The following ORC2 variants were observed in gnomAD, a reference collection of about 807,000 sequenced individuals.
ORC2 encodes the protein origin recognition complex protein 2 homolog.
Under a neutral mutation model 77.7 loss-of-function variants are expected in ORC2, and 37 were observed. The ratio of observed to expected loss-of-function variants is 0.48; its 90% CI spans 0.37 to 0.63. The LOEUF (loss-of-function observed/expected upper bound fraction) is 0.63, where lower values mean the gene tolerates loss of function less well. ORC2 is among the 20% of genes least tolerant of loss of function. The probability of loss-of-function intolerance (pLI) is 0.00; values close to 1 mark genes in which losing one functional copy is unlikely to be tolerated. For synonymous variants in ORC2, 201 were observed against 229.5 expected, an observed-to-expected ratio of 0.88 and a Z score of 1.12; for missense variants, 557 against 661.9, an observed-to-expected ratio of 0.84 and a Z score of 1.74.
At chr2:200,954,844 G>T (rs141729760) in intron 4 of ORC2, among the ~76,000 whole-genome samples, 1 of 151,772 alleles carries the variant, frequency 6.6e-6, no homozygotes. Context: ...AAAACATAGG[G>T]CATGATGCCA....
intron 8 of ORC2, among the ~76,000 whole-genome samples, chr2:200,937,299 T>C (rs2041065053): frequency 6.6e-6 from 1 of 152,220 alleles, no homozygotes; most frequent in African/African-American, 2.4e-5. Context: ...CTTTTACTGC[T>C]TTAATATACC....
chr2:200,909,377 A>G lies in ORC2; in HGVS notation c.*1924T>C, dbSNP rs2040515134. 6.6e-6 allele frequency: 1 copy of G among 152,164 alleles called. No homozygotes were observed. Among genetic ancestry groups the G allele is most frequent in the African/African-American group, 2.4e-5 (1 of 41,442 alleles). 9.4% of individuals were successfully genotyped at this position (152,164 alleles called of 1,614,324 possible). A position where few individuals can be genotyped will look rare whatever the true frequency, so the allele number is the denominator to read the frequency against. On this transcript the variant is annotated 3_prime_UTR_variant, in exon 18 of 18. Transcript: ENST00000234296. ...ATTTTTTTAAATCACATTTATGTAC[A>G]AATTTGTTTAAACATTTTGACTAGA...
rs769055915 is a variant in ORC2 at position 200,937,886 on chromosome 2, A to G, written c.514+20T>C. 3.3e-6 allele frequency: 5 copies of G among 1,511,926 alleles called. No individual in the cohort carries two copies. Among genetic ancestry groups the G allele is most frequent in the South Asian group, 2.3e-5 (2 of 86,508 alleles). The allele number at this position is 1,511,926 out of a possible 1,614,324, so 93.7% of individuals were successfully genotyped here. On this transcript the variant is annotated intron_variant, in intron 8 of 17. Transcript: ENST00000234296. Reference sequence around the variant, plus strand: ...TAGATGCTACTTTTTATAAAAAGTCATGTAAAAACAAATACGTACCTATTA... The same window carrying G: ...TAGATGCTACTTTTTATAAAAAGTCGTGTAAAAACAAATACGTACCTATTA...
At chr2:200,938,026 G>A (rs2041079074) in intron 7 of ORC2, 60 bp from the exon 8 acceptor site, 1 of 1,229,876 alleles carries the variant, frequency 8.1e-7, no homozygotes, top group East Asian at 2.3e-5. Flanking sequence ...TGATCTGAGT[G>A]AAAGAGGCTA....
intron 11 of ORC2, among the ~76,000 whole-genome samples, chr2:200,928,318 T>A (rs561861421): frequency 3.9e-5 from 6 of 151,970 alleles, no homozygotes; most frequent in African/African-American, 1.4e-4. Context: ...ATCACATCAC[T>A]ACATTCCAGC....
chr2:200,928,608 T>G (rs973643033), intron 11 of ORC2, among the ~76,000 whole-genome samples: 8 of 151,704 alleles, frequency 5.3e-5, no homozygotes, highest in Non-Finnish European at 1.0e-4. Context: ...GGTCAGGAGA[T>G]CGAGACCATC....
chr2:200,912,746 CAGT>C (rs1323273505), intron 17 of ORC2, among the ~76,000 whole-genome samples: 8 of 152,166 alleles, frequency 5.3e-5, no homozygotes, highest in Admixed American at 4.6e-4. Context: ...GATCTCAGCT[CAGT>C]GGTCTCTTCT....
rs1374043034 is a variant in ORC2 at position 200,920,226 on chromosome 2, C to A, written c.1462G>T (p.Ala488Ser). The change falls in exon 15 of 18, where the codon GCA becomes TCA. Residue 488 changes from alanine (A) to serine (S), a missense_variant. Ala to Ser is a moderately conservative substitution (Grantham distance 99). Transcript: ENST00000234296. ...THVLRSLTPN[A>S]RGIFRLLIKY... is the part of the protein sequence containing the mutation. ...AAATATGGTTTTCATCCTTACCTTG[C>A]ATTAGGGGTAAGGCTTCGTAAGACA... 3.1e-6 allele frequency: 5 copies of A among 1,607,696 alleles called. No individual in the cohort carries two copies. Among genetic ancestry groups the A allele is most frequent in the African/African-American group, 1.3e-5 (1 of 74,572 alleles).
intron 13 of ORC2, among the ~76,000 whole-genome samples, chr2:200,925,038 G>A (rs980406159): frequency 6.6e-6 from 1 of 152,178 alleles, no homozygotes; most frequent in African/African-American, 2.4e-5. Context: ...GGGATTACAG[G>A]CGTCAGCCAC....
intron 14 of ORC2, among the ~76,000 whole-genome samples, chr2:200,920,716 C>T (rs753875337): frequency 2.6e-5 from 4 of 152,048 alleles, no homozygotes; most frequent in Non-Finnish European, 4.4e-5. Flanking sequence ...ATAAATGTTG[C>T]GATATTACAA....
intron 5 of ORC2, among the ~76,000 whole-genome samples, chr2:200,948,118 T>A (rs1172978003): frequency 6.6e-6 from 1 of 151,992 alleles, no homozygotes; most frequent in Admixed American, 6.6e-5. Flanking sequence ...TTTCACTGTG[T>A]TAGCCAGGAT....
rs1254672603 is a variant in ORC2, at chr2:200,910,351, A to T, written c.*950T>A. The T allele has an allele frequency of 6.6e-6, 1 of 152,206 alleles. No homozygotes were observed. Among genetic ancestry groups the T allele is most frequent in the African/African-American group, 2.4e-5 (1 of 41,458 alleles). The allele number at this position is 152,206 out of a possible 1,614,324, so 9.4% of individuals were successfully genotyped here. A position where few individuals can be genotyped will look rare whatever the true frequency, so the allele number is the denominator to read the frequency against. ...CAGGAGGTTTGAAATCATCACTTTAAGGAAAAAACTGAAATATCTTACAGT... is the reference window on the plus strand; with the variant it reads ...CAGGAGGTTTGAAATCATCACTTTATGGAAAAAACTGAAATATCTTACAGT... On this transcript the variant is annotated 3_prime_UTR_variant, in exon 18 of 18. Coordinates refer to ENST00000234296, the MANE Select transcript of ORC2 (RefSeq NM_006190.5).
chr2:200,947,276 C>T (rs1421693464), intron 5 of ORC2, among the ~76,000 whole-genome samples: 13 of 151,934 alleles, frequency 8.6e-5, no homozygotes, highest in Non-Finnish European at 8.8e-5. Flanking sequence ...TTGTATGTAC[C>T]ATGTTATGTT....
At position 200,926,869 on chromosome 2, in the gene ORC2, C is replaced by A. The variant is rs771728989; in HGVS notation, c.949G>T (p.Gly317Cys). ...CTTTCTAGTAAATCTCTCTTAGAAC[C>A]CAAACCATAAAGCACAATGTTGAAC... Reference protein sequence around the residue: ...LGFNIVLYGLGSKRDLLERFR... With the variant: ...LGFNIVLYGLCSKRDLLERFR... The change falls in exon 12 of 18, where the codon GGT becomes TGT. Residue 317 changes from glycine to cysteine, a missense_variant. By Grantham distance (159) the Gly-to-Cys change is radical. Transcript: ENST00000234296. The A allele has an allele frequency of 6.2e-7, 1 of 1,613,910 alleles. No individual in the cohort carries two copies. Among genetic ancestry groups the A allele is most frequent in the East Asian group, 2.2e-5 (1 of 44,846 alleles).
chr2:200,938,425 G>A (rs890726545), intron 7 of ORC2, among the ~76,000 whole-genome samples: 1 of 152,208 alleles, frequency 6.6e-6, no homozygotes, highest in African/African-American at 2.4e-5. Context: ...GCCTTTTAAT[G>A]TGCTAGAAAT....
chr2:200,915,616 A>C (rs1407577016), intron 15 of ORC2, among the ~76,000 whole-genome samples: 1 of 152,234 alleles, frequency 6.6e-6, no homozygotes, highest in Non-Finnish European at 1.5e-5. Flanking sequence ...GTATGCCAAA[A>C]ATTCAAAACT....
chr2:200,921,216 G>A, intron 13 of ORC2, 77 bp from the exon 14 acceptor site: 1 of 933,320 alleles, frequency 1.1e-6, no homozygotes, highest in Non-Finnish European at 1.5e-6. Context: ...CTAGAGTGCA[G>A]TGGTACAATC....
chr2:200,941,431 C>T, intron 6 of ORC2, 152 bp from the exon 7 acceptor site: 1 of 553,208 alleles, frequency 1.8e-6, no homozygotes, highest in East Asian at 2.9e-5. Flanking sequence ...TGCTTGAGGC[C>T]AGGAGTTCAA....
At chr2:200,933,723 T>C (rs985553563) in intron 10 of ORC2, among the ~76,000 whole-genome samples, 153 bp downstream of exon 10, 2 of 152,198 alleles carry the variant, frequency 1.3e-5, no homozygotes, top group Non-Finnish European at 2.9e-5. Context: ...TTACTATTTA[T>C]ATAATAAAAG....
Sources: gnomAD v4.1 joint callset for allele counts (sites outside exome capture counted in the v4.1 genomes callset) on GRCh38, gnomAD v4.1.1 for gene constraint, MANE v1.5 for transcripts, NCBI Gene and HGNC (gene_info 2026-07-23, HGNC 2026-07-21) for gene names.